STARD13: variants seen among roughly 807,000 people sequenced by gnomAD.
The protein encoded by STARD13 is StAR related lipid transfer domain containing 13.
A neutral mutation model predicts 106.4 loss-of-function variants in STARD13; 62 were observed. That is an observed-to-expected ratio of 0.58 (90% confidence interval 0.48 to 0.72). STARD13 has a LOEUF of 0.72. Ranked by LOEUF, STARD13 falls within the 30% of genes least tolerant of loss-of-function variation. The probability of loss-of-function intolerance (pLI) is 0.00; values close to 1 mark genes in which losing one functional copy is unlikely to be tolerated. For synonymous variants in STARD13, 565 were observed against 553.0 expected, an observed-to-expected ratio of 1.02 and a Z score of -0.31; for missense variants, 1,387 against 1,424.0, an observed-to-expected ratio of 0.97 and a Z score of 0.42.
chr13:33,392,461 G>T, the STARD13 span, among the ~76,000 whole-genome samples: 2 of 152,054 alleles, frequency 1.3e-5, no homozygotes, highest in African/African-American at 4.8e-5. Flanking sequence ...GTGCAGTGGC[G>T]CTATCTCAGC....
the STARD13 span, among the ~76,000 whole-genome samples, chr13:33,608,185 G>A: frequency 6.6e-6 from 1 of 152,170 alleles, no homozygotes; most frequent in African/African-American, 2.4e-5. Flanking sequence ...GGGATTACAG[G>A]TGCAAGCCAC....
At chr13:33,436,493 TA>T in the STARD13 span, among the ~76,000 whole-genome samples, 1 of 152,218 alleles carries the variant, frequency 6.6e-6, no homozygotes, top group African/African-American at 2.4e-5. Context: ...TATATTTAGG[TA>T]TATATTTACT....
In STARD13 at chr13:33,110,094, G is replaced by C; in HGVS notation, c.2830-4C>G. On this transcript the variant is annotated splice_polypyrimidine_tract_variant and splice_region_variant and intron_variant, in intron 11 of 13. Transcript: ENST00000336934. Reference sequence around the variant, plus strand: ...TCAGCGGGTTCCCGTCGCCCACCTTGGGAAAGACAACGTCAGAAGCTGAAG... The same window carrying C: ...TCAGCGGGTTCCCGTCGCCCACCTTCGGAAAGACAACGTCAGAAGCTGAAG... The C allele has an allele frequency of 6.2e-7, 1 of 1,613,830 alleles. No homozygotes were observed. The highest frequency in any genetic ancestry group is 8.5e-7 in the Non-Finnish European group (1 of 1,179,882).
Position 33,167,547 on chromosome 13 carries a change from G to T in STARD13, c.241+4C>A, listed in dbSNP as rs765684140. On this transcript the variant is annotated splice_donor_region_variant and intron_variant, in intron 2 of 13. Coordinates refer to ENST00000336934, the MANE Select transcript of STARD13 (RefSeq NM_178006.4). ...TGTAAGAGCGAAGCGAAGGGCTGACGTACCCTCATATAACTGAGCGTATTG... is the reference window on the plus strand; with the variant it reads ...TGTAAGAGCGAAGCGAAGGGCTGACTTACCCTCATATAACTGAGCGTATTG... 2.7e-5 allele frequency: 43 copies of T among 1,613,752 alleles called. No individual in the cohort carries two copies. In the South Asian group the frequency reaches 4.5e-4, roughly 17 times the overall value.
intron 1 of STARD13, among the ~76,000 whole-genome samples, chr13:33,282,329 G>C (rs1281315726): frequency 1.3e-5 from 2 of 152,156 alleles, no homozygotes; most frequent in African/African-American, 4.8e-5. Flanking sequence ...ATGCATGTAT[G>C]TTTTGATGTG....
At chr13:33,171,339 C>A (rs1256772081) in intron 1 of STARD13, among the ~76,000 whole-genome samples, 1 of 152,206 alleles carries the variant, frequency 6.6e-6, no homozygotes, top group Non-Finnish European at 1.5e-5. Context: ...GCCCACCAAT[C>A]TCTACGGAGG....
chr13:33,144,662 C>G (rs913587230), intron 3 of STARD13, among the ~76,000 whole-genome samples: 1 of 152,194 alleles, frequency 6.6e-6, no homozygotes. Context: ...TTGGCAGGCT[C>G]TCAGCCTGTC....
the STARD13 span, among the ~76,000 whole-genome samples, chr13:33,665,289 T>C: frequency 8.5e-5 from 13 of 152,222 alleles, no homozygotes; most frequent in Non-Finnish European, 1.3e-4. Context: ...AGTGCCTCTG[T>C]GGCATTTTTC....
chr13:33,669,494 C>T, the STARD13 span, among the ~76,000 whole-genome samples: 2 of 150,596 alleles, frequency 1.3e-5, no homozygotes, highest in Non-Finnish European at 2.9e-5. Context: ...GAATCTTACC[C>T]ATGCTCACTA....
the STARD13 span, among the ~76,000 whole-genome samples, chr13:33,636,791 C>T: frequency 0.013 from 1,983 of 152,266 alleles, 37 homozygotes; most frequent in African/African-American, 0.044. Flanking sequence ...TCGTCAGGAC[C>T]CTGGATCCAT....
the STARD13 span, among the ~76,000 whole-genome samples, chr13:33,470,195 A>G: frequency 6.6e-6 from 1 of 152,136 alleles, no homozygotes; most frequent in Non-Finnish European, 1.5e-5. Context: ...GATGATTTCC[A>G]GCTACATCCA....
At chr13:33,653,630 T>C in the STARD13 span, among the ~76,000 whole-genome samples, 1 of 151,216 alleles carries the variant, frequency 6.6e-6, no homozygotes, top group Non-Finnish European at 1.5e-5. Context: ...ACTAGTTTCT[T>C]AGATATGACA....
At chr13:33,639,843 T>C in the STARD13 span, among the ~76,000 whole-genome samples, 2 of 152,228 alleles carry the variant, frequency 1.3e-5, no homozygotes, top group Non-Finnish European at 2.9e-5. Context: ...TCCAATCACA[T>C]GGCCACATGG....
the STARD13 span, among the ~76,000 whole-genome samples, chr13:33,406,330 A>G: frequency 6.6e-6 from 1 of 152,256 alleles, no homozygotes; most frequent in Non-Finnish European, 1.5e-5. Context: ...CTAACTAGGT[A>G]GCATGAATGT....
intron 4 of STARD13, chr13:33,138,665 G>C (rs777212877): frequency 3.4e-6 from 1 of 294,966 alleles, no homozygotes; most frequent in Non-Finnish European, 6.7e-6. Context: ...AGCAGGAATG[G>C]GCCGCTGGGA....
the STARD13 span, among the ~76,000 whole-genome samples, chr13:33,360,711 T>C: frequency 1.4e-5 from 2 of 143,698 alleles, no homozygotes; most frequent in Admixed American, 6.8e-5. Context: ...GGAATCCTTC[T>C]GTGTAGACAG....
At chr13:33,399,618 A>G in the STARD13 span, among the ~76,000 whole-genome samples, 3 of 146,356 alleles carry the variant, frequency 2.0e-5, no homozygotes, top group Middle Eastern at 3.3e-3. Flanking sequence ...GGAGAATGGC[A>G]TGAACCCGGG....
chr13:33,299,295 G>T (rs1268554510), intron 1 of STARD13, among the ~76,000 whole-genome samples: 2 of 152,082 alleles, frequency 1.3e-5, no homozygotes, highest in African/African-American at 2.4e-5. Flanking sequence ...ATACACTTAG[G>T]CATATTAAAG....
At chr13:33,330,389 CCTTTT>C (rs1193913525) in intron 1 of STARD13, among the ~76,000 whole-genome samples, 1 of 152,074 alleles carries the variant, frequency 6.6e-6, no homozygotes. Flanking sequence ...TTCTGAATTT[CCTTTT>C]CTAAGAAGTG....
Sources: gnomAD v4.1 joint callset for allele counts (sites outside exome capture counted in the v4.1 genomes callset) on GRCh38, gnomAD v4.1.1 for gene constraint, MANE v1.5 for transcripts, NCBI Gene and HGNC (gene_info 2026-07-23, HGNC 2026-07-21) for gene names.